Variants in COL6A3 observed in about 807,000 individuals in gnomAD.
COL6A3 encodes collagen type VI alpha 3 chain.
Under a neutral mutation model 274.1 loss-of-function variants are expected in COL6A3, and 137 were observed. The ratio of observed to expected loss-of-function variants is 0.50; its 90% CI spans 0.44 to 0.58. The LOEUF (loss-of-function observed/expected upper bound fraction) is 0.58, where lower values mean the gene tolerates loss of function less well. COL6A3 is among the 20% of genes least tolerant of loss of function. The pLI is 0.00. For synonymous variants in COL6A3, 1,650 were observed against 1,650.6 expected, an observed-to-expected ratio of 1.00 and a Z score of 0.01; for missense variants, 3,950 against 4,124.9, an observed-to-expected ratio of 0.96 and a Z score of 1.16.
In COL6A3 at chr2:237,366,889, G is replaced by A. The variant is rs762372027; in HGVS notation, c.5298C>T (p.Leu1766=). 2.5e-6 allele frequency: 4 copies of A among 1,614,244 alleles called. No individual in the cohort carries two copies. Among genetic ancestry groups the A allele is most frequent in the Admixed American group, 1.7e-5 (1 of 60,028 alleles). ...CAAACACTTTGACCCCCCTCTGGGT[G>A]AGGGCCAGGCTCACATCCTGTGCAT... ...VEDAQDVSLA[L]TQRGVKVFAV... The change falls in exon 11 of 44, where the codon CTC becomes CTT. Residue 1766 remains leucine (L), a synonymous_variant. Coordinates refer to ENST00000295550, the MANE Select transcript of COL6A3 (RefSeq NM_004369.4).
At chr2:237,326,664 A>C (rs983879190) in intron 42 of COL6A3, 2 of 152,194 alleles carry the variant, frequency 1.3e-5, no homozygotes, top group African/African-American at 4.8e-5. Flanking sequence ...ATAATTCTGC[A>C]TGTTCCTGTG....
chr2:237,361,271 C>T lies in COL6A3; in HGVS notation c.6157-97G>A. On this transcript the variant is annotated intron_variant, in intron 15 of 43. Coordinates refer to ENST00000295550, the MANE Select transcript of COL6A3 (RefSeq NM_004369.4). The surrounding 1 kb of genome is among the most constrained non-coding windows in gnomAD (Gnocchi z 5.1). Reference sequence around the variant, plus strand: ...TCCCCCTTCATTTGGCAGAGCAGCACTAAAACTCAGCATGGCTTTCCCTGT... The same window carrying T: ...TCCCCCTTCATTTGGCAGAGCAGCATTAAAACTCAGCATGGCTTTCCCTGT... 9.2e-7 allele frequency: 1 copy of T among 1,090,342 alleles called. No individual in the cohort carries two copies. The highest frequency in any genetic ancestry group is 1.4e-6 in the Non-Finnish European group (1 of 710,698). The allele number at this position is 1,090,342 out of a possible 1,614,324, so 67.5% of individuals were successfully genotyped here.
chr2:237,388,487 A>G (rs1463416834), intron 3 of COL6A3, among the ~76,000 whole-genome samples: 2 of 152,226 alleles, frequency 1.3e-5, no homozygotes, highest in African/African-American at 4.8e-5. Flanking sequence ...AATCTTGGGT[A>G]CATATTCTAG....
chr2:237,386,120 G>C, intron 4 of COL6A3, among the ~76,000 whole-genome samples: 1 of 152,202 alleles, frequency 6.6e-6, no homozygotes. Context: ...TACAACAAAA[G>C]CTGTGGTTTA....
chr2:237,335,924 C>T (rs1204931539), intron 40 of COL6A3, among the ~76,000 whole-genome samples: 3 of 152,154 alleles, frequency 2.0e-5, no homozygotes, highest in African/African-American at 4.8e-5. Context: ...GAGAGCTTCC[C>T]ATCCCTATCG....
chr2:237,353,094 T>G (rs2077241613), intron 25 of COL6A3, among the ~76,000 whole-genome samples: 2 of 152,056 alleles, frequency 1.3e-5, no homozygotes, highest in Non-Finnish European at 2.9e-5. Context: ...GAGAGAGAGA[T>G]TAGTGGTTTC....
At chr2:237,375,143 G>T in intron 7 of COL6A3, 123 bp from the exon 8 acceptor site, 1 of 1,418,676 alleles carries the variant, frequency 7.0e-7, no homozygotes, top group Non-Finnish European at 9.7e-7. Flanking sequence ...CTTGAGAAAA[G>T]GACTTTGCAG....
At chr2:237,397,228 G>A (rs865922778) in intron 1 of COL6A3, among the ~76,000 whole-genome samples, 1 of 133,744 alleles carries the variant, frequency 7.5e-6, no homozygotes, top group South Asian at 2.4e-4. Flanking sequence ...AGGGAAGGAA[G>A]GAAGAAGTGA....
chr2:237,341,738 G>T lies in COL6A3; in HGVS notation c.7765+327C>A, dbSNP rs140010040. 1.8e-4 allele frequency among the ~76,000 whole-genome samples: 27 copies of T among 152,106 alleles called. No homozygotes were observed. In the East Asian group the frequency reaches 5.0e-3, roughly 28 times the overall value. The stretch of plus-strand genomic sequence containing the variant: ...AAATGAAAAATTATATTACTTCTCT[G>T]CCACTCTTTGAAGAAATATGTTCTA... On this transcript the variant is annotated intron_variant, in intron 37 of 43. Coordinates refer to ENST00000295550, the MANE Select transcript of COL6A3 (RefSeq NM_004369.4).
intron 3 of COL6A3, 151 bp downstream of exon 3, chr2:237,394,436 T>C: frequency 1.0e-6 from 1 of 958,896 alleles, no homozygotes; most frequent in South Asian, 1.4e-5. Context: ...TGGAAGAATA[T>C]TCCAAATCAA....
chr2:237,404,101 A>AT (rs1036777623), intron 1 of COL6A3, among the ~76,000 whole-genome samples: 30 of 151,606 alleles, frequency 2.0e-4, no homozygotes, highest in African/African-American at 3.6e-4. Flanking sequence ...TTGAGCGTCA[A>AT]TTTTTTTTTA....
Position 237,340,829 on chromosome 2 carries a change from T to A in COL6A3, c.8087A>T (p.Glu2696Val). The change falls in exon 38 of 44, where the codon GAG becomes GTG. Residue 2696 changes from glutamate (E) to valine (V), a missense_variant. Glu to Val is a moderately radical substitution (Grantham distance 121). Transcript: ENST00000295550. ...CCTGCTGAGGAAGTCCACCAGCTTC[T>A]CCTTGGAGCCATAGTCAGTCAGGGA... Reference protein sequence around the residue: ...EFSLTDYGSKEKLVDFLSRGM... With the variant: ...EFSLTDYGSKVKLVDFLSRGM... 3.1e-6 allele frequency: 5 copies of A among 1,614,178 alleles called. No homozygotes were observed. The highest frequency in any genetic ancestry group is 4.2e-6 in the Non-Finnish European group (5 of 1,180,034).
rs1465296993 is a variant in COL6A3 at position 237,374,976 on chromosome 2, C to A, written c.3115G>T (p.Gly1039Cys). 6.2e-7 allele frequency: 1 copy of A among 1,613,892 alleles called. No individual in the cohort carries two copies. Among genetic ancestry groups the A allele is most frequent in the South Asian group, 1.1e-5 (1 of 91,078 alleles). The change falls in exon 8 of 44, where the codon GGC becomes TGC. Residue 1039 changes from glycine to cysteine, a missense_variant. Around this residue, in one of 5 missense-constraint regions of COL6A3, gnomAD observed 1,934 missense variants for 1,984.3 expected, o/e 0.97. Coordinates refer to ENST00000295550, the MANE Select transcript of COL6A3 (RefSeq NM_004369.4). This position sits in a 1 kb window ranked among gnomAD's most constrained non-coding sequence, Gnocchi z 4.8. ...DVVFLLDGSEGVRSGFPLLKE... is the reference protein window; with the variant it reads ...DVVFLLDGSECVRSGFPLLKE... The stretch of plus-strand genomic sequence containing the variant: ...AACAGAGGGAAGCCGCTCCTGACGC[C>A]CTCAGAGCCATCAAGCAGAAACACC...
In COL6A3 at chr2:237,359,482, C is replaced by T; in HGVS notation, c.6283-94G>A. 1.6e-6 allele frequency: 2 copies of T among 1,279,664 alleles called. 1 individual carries two copies. The allele number at this position is 1,279,664 out of a possible 1,614,324, so 79.3% of individuals were successfully genotyped here. On this transcript the variant is annotated intron_variant, in intron 17 of 43. Transcript: ENST00000295550. ...CAAGGGCTGTTCCCCCACTCCACCC[C>T]ATTTGAATGTTGCAGTGTCTGAAAA...
At chr2:237,354,598 G>A (rs1040566306) in intron 24 of COL6A3, among the ~76,000 whole-genome samples, 4 of 152,028 alleles carry the variant, frequency 2.6e-5, no homozygotes, top group African/African-American at 4.8e-5. Context: ...CCCCTGCCTC[G>A]AGTTGTCCCA....
chr2:237,403,975 A>T (rs558447863), intron 1 of COL6A3, among the ~76,000 whole-genome samples: 489 of 152,272 alleles, frequency 3.2e-3, no homozygotes, highest in African/African-American at 0.011. Flanking sequence ...AAATAAAAAA[A>T]AAAAGCAATT....
intron 31 of COL6A3, among the ~76,000 whole-genome samples, chr2:237,347,063 C>T (rs2077111394): frequency 6.6e-6 from 1 of 152,034 alleles, no homozygotes; most frequent in Non-Finnish European, 1.5e-5. Flanking sequence ...ATCTAGGCCA[C>T]AATTTGCTAA....
chr2:237,348,396 A>C lies in COL6A3; in HGVS notation c.6931-12T>G. The C allele has an allele frequency of 6.3e-7, 1 of 1,586,834 alleles. No homozygotes were observed. Among genetic ancestry groups the C allele is most frequent in the Non-Finnish European group, 8.7e-7 (1 of 1,155,232 alleles). On this transcript the variant is annotated splice_polypyrimidine_tract_variant and intron_variant, in intron 29 of 43. Transcript: ENST00000295550. ...AATCCTCTTTCTCCCTATAAAGGAA[A>C]AATAGATTATTTAATACTTGGTTCT...
chr2:237,347,937 G>T, intron 30 of COL6A3, 68 bp from the exon 31 acceptor site: 4 of 1,447,018 alleles, frequency 2.8e-6, no homozygotes, highest in Non-Finnish European at 3.8e-6. Context: ...GGTCCGTGGG[G>T]TAAGACATCC....
Sources: gnomAD v4.1 joint callset for allele counts (sites outside exome capture counted in the v4.1 genomes callset) on GRCh38, gnomAD v4.1.1 for gene constraint, gnomAD v4.1.1 regional missense constraint, Gnocchi (gnomAD v3.1) non-coding constraint, MANE v1.5 for transcripts, NCBI Gene and HGNC (gene_info 2026-07-23, HGNC 2026-07-21) for gene names.